SPON2: variants seen among roughly 807,000 people sequenced by gnomAD.
The protein encoded by SPON2 is spondin-2.
SPON2 carries 32 observed loss-of-function variants against 29.9 expected under a neutral mutation model. The ratio of observed to expected loss-of-function variants is 1.07; its 90% CI spans 0.81 to 1.44. SPON2 has a LOEUF of 1.44. SPON2 is among the 40% of genes most tolerant of loss of function. The probability of loss-of-function intolerance (pLI) is 0.00; values close to 1 mark genes in which losing one functional copy is unlikely to be tolerated. For synonymous variants in SPON2, 248 were observed against 209.1 expected (o/e 1.19, Z -1.61); for missense variants, 541 against 455.5 (o/e 1.19, Z -1.71).
chr4:1,200,600 GC>G, intron 1 of SPON2: 1 of 345,750 alleles, frequency 2.9e-6, no homozygotes, highest in Non-Finnish European at 5.8e-6. Context: ...TCCTCTGGCT[GC>G]CCCCACAACA....
At chr4:1,194,368 C>G (rs989403785) in intron 1 of SPON2, among the ~76,000 whole-genome samples, 8 of 152,182 alleles carry the variant, frequency 5.3e-5, no homozygotes, top group Non-Finnish European at 1.2e-4. Context: ...AGGAGCCGAG[C>G]CCCAGGGTGG....
upstream of SPON2, chr4:1,196,815 A>G (rs1185221551): frequency 6.6e-6 from 1 of 152,328 alleles, no homozygotes; most frequent in Non-Finnish European, 1.5e-5. Context: ...GACAGCAGAC[A>G]CTAGAAGGTA....
chr4:1,194,986 T>G (rs2335920), intron 1 of SPON2: 1 of 102,990 alleles, frequency 9.7e-6, no homozygotes, highest in Non-Finnish European at 1.9e-5. Context: ...GCCGGCGGCC[T>G]CACCTCACAG....
At chr4:1,207,146 G>T (rs1728361793) in intron 1 of SPON2, among the ~76,000 whole-genome samples, 1 of 152,058 alleles carries the variant, frequency 6.6e-6, no homozygotes, top group Non-Finnish European at 1.5e-5. Flanking sequence ...GGCTGACCTG[G>T]GACGCCAGGG....
chr4:1,170,632 T>A, intron 4 of SPON2, 56 bp from the exon 5 acceptor site: 1 of 1,551,242 alleles, frequency 6.4e-7, no homozygotes, highest in South Asian at 1.2e-5. Context: ...CCTTCTGGTA[T>A]GCGTATGGCC....
At chr4:1,197,878 G>A (rs1205224401), upstream of SPON2, among the ~76,000 whole-genome samples, 1 of 151,950 alleles carries the variant, frequency 6.6e-6, no homozygotes, top group East Asian at 1.9e-4. Flanking sequence ...GTGAAACCGT[G>A]TCTTTGCAAA....
At chr4:1,169,110 G>C (rs541584565) in intron 5 of SPON2, among the ~76,000 whole-genome samples, 1 of 151,776 alleles carries the variant, frequency 6.6e-6, no homozygotes, top group Non-Finnish European at 1.5e-5. Context: ...TACTGCTTCT[G>C]CTTGGCCACA....
At chr4:1,196,154 A>T (rs984590211), upstream of SPON2, among the ~76,000 whole-genome samples, 5 of 152,116 alleles carry the variant, frequency 3.3e-5, no homozygotes, top group Admixed American at 1.3e-4. Flanking sequence ...TGGGGTGCCT[A>T]GCGCCCCGCC....
intron 1 of SPON2, among the ~76,000 whole-genome samples, chr4:1,186,710 C>T (rs1439426977): frequency 1.3e-5 from 2 of 152,088 alleles, no homozygotes; most frequent in African/African-American, 4.8e-5. Context: ...TAAAAATGGG[C>T]AGAGGACATG....
chr4:1,186,120 TGTAGTC>T (rs1301382847), intron 1 of SPON2, among the ~76,000 whole-genome samples: 2 of 150,556 alleles, frequency 1.3e-5, no homozygotes, highest in Non-Finnish European at 3.0e-5. Context: ...GGTGGGCGCC[TGTAGTC>T]CCAGCTACTC....
At chr4:1,191,706 G>T (rs1727917557) in intron 1 of SPON2, among the ~76,000 whole-genome samples, 1 of 152,234 alleles carries the variant, frequency 6.6e-6, no homozygotes, top group African/African-American at 2.4e-5. Flanking sequence ...CCTCTGCCTA[G>T]TGGGAGTGCA....
At chr4:1,194,987 C>CCA (rs1560210651) in intron 1 of SPON2, 65 of 140,586 alleles carry the variant, frequency 4.6e-4, no homozygotes, top group East Asian at 1.0e-3. Context: ...CCGGCGGCCT[C>CCA]ACCTCACAGC....
At chr4:1,172,240 A>G (rs1727484346) in intron 1 of SPON2, 166 bp from the exon 2 acceptor site, 1 of 638,974 alleles carries the variant, frequency 1.6e-6, no homozygotes, top group East Asian at 2.7e-5. Context: ...GACCCCCATC[A>G]GCGGAATGGA....
rs1057460444 is a variant in SPON2 at position 1,185,498 on chromosome 4, G to A, written c.-238-5957C>T. On this transcript the variant is annotated intron_variant, in intron 1 of 3. Transcript: ENST00000502483. ...TGAGGCGAGCGGATCACCTGAGGTC[G>A]GGAGTTCCACACCAGCCTGGCCAAC... Among the ~76,000 whole-genome samples the A allele has an allele frequency of 1.5e-4, 23 of 151,272 alleles. 1 individual carries two copies. In the East Asian group the frequency reaches 3.8e-3, roughly 25 times the overall value.
chr4:1,200,368 C>T (rs1005955342), intron 1 of SPON2, among the ~76,000 whole-genome samples: 6 of 141,230 alleles, frequency 4.2e-5, no homozygotes, highest in Non-Finnish European at 1.6e-5. Flanking sequence ...CAGGGTGGGT[C>T]GGGGCTGGGG....
chr4:1,182,422 C>A (rs927856632), intron 1 of SPON2, among the ~76,000 whole-genome samples: 2 of 152,036 alleles, frequency 1.3e-5, no homozygotes, highest in Non-Finnish European at 2.9e-5. Flanking sequence ...AAAAGAAATT[C>A]TGAAGGTGAA....
At position 1,203,384 on chromosome 4, in the gene SPON2, C is replaced by G. The variant is rs983913904; in HGVS notation, c.-234+4496G>C. On this transcript the variant is annotated intron_variant, in intron 1 of 3. Coordinates refer to the SPON2 transcript ENST00000509233. Reference sequence around the variant, plus strand: ...GTGGCCGTCTGCGTCTGACCTCCTTCACTTGGCAAATGTTTGCGAGGTTCA... The same window carrying G: ...GTGGCCGTCTGCGTCTGACCTCCTTGACTTGGCAAATGTTTGCGAGGTTCA... Among the ~76,000 whole-genome samples the G allele has an allele frequency of 9.2e-5, 14 of 152,316 alleles. 1 individual carries two copies. The highest frequency in any genetic ancestry group is 1.9e-4 in the East Asian group (1 of 5,180).
chr4:1,199,592 G>C (rs182661870), upstream of SPON2: 1 of 152,222 alleles, frequency 6.6e-6, no homozygotes, highest in Admixed American at 6.5e-5. This position sits in a 1 kb window ranked among gnomAD's most constrained non-coding sequence, Gnocchi z 4.5. Context: ...GAGCAGCTCC[G>C]GCCATGGGGA....
chr4:1,176,345 C>G (rs999481143), upstream of SPON2, among the ~76,000 whole-genome samples: 1 of 152,086 alleles, frequency 6.6e-6, no homozygotes, highest in Non-Finnish European at 1.5e-5. Context: ...CCTCTGTGCC[C>G]GCAGGCAGGA....
Sources: gnomAD v4.1 joint callset for allele counts (sites outside exome capture counted in the v4.1 genomes callset) on GRCh38, gnomAD v4.1.1 for gene constraint, Gnocchi (gnomAD v3.1) non-coding constraint, MANE v1.5 for transcripts, NCBI Gene and HGNC (gene_info 2026-07-23, HGNC 2026-07-21) for gene names.